The following DPP10 variants were observed in gnomAD, a reference collection of about 807,000 sequenced individuals.
DPP10 encodes the protein inactive dipeptidyl peptidase 10.
A neutral mutation model predicts 120.9 loss-of-function variants in DPP10; 33 were observed. The ratio of observed to expected loss-of-function variants is 0.27; its 90% CI spans 0.21 to 0.37. The LOEUF (loss-of-function observed/expected upper bound fraction) is 0.37, where lower values mean the gene tolerates loss of function less well. DPP10 is among the 10% of genes least tolerant of loss of function. The probability of loss-of-function intolerance (pLI) is 1.00; values close to 1 mark genes in which losing one functional copy is unlikely to be tolerated. For synonymous variants in DPP10, 337 were observed against 326.1 expected (o/e 1.03, Z -0.36); for missense variants, 816 against 942.8 (o/e 0.87, Z 1.76).
Position 115,760,688 on chromosome 2 carries a change from A to G in DPP10, c.1075-1884A>G, listed in dbSNP as rs112186218. Among the ~76,000 whole-genome samples the G allele has an allele frequency of 1.6e-3, 251 of 152,338 alleles. 1 individual carries two copies. Among genetic ancestry groups the G allele is most frequent in the African/African-American group, 5.5e-3 (228 of 41,590 alleles). On this transcript the variant is annotated intron_variant, in intron 11 of 25. Coordinates refer to ENST00000410059, the MANE Select transcript of DPP10 (RefSeq NM_020868.6). The stretch of plus-strand genomic sequence containing the variant: ...ATGCTCTTCTCATTAAGCTTGTATT[A>G]CTAGAAAATTCATCTCTTTCTTTTG...
intron 1 of DPP10, among the ~76,000 whole-genome samples, chr2:115,057,068 G>A (rs1270619379): frequency 6.6e-6 from 1 of 152,044 alleles, no homozygotes; most frequent in African/African-American, 2.4e-5. Flanking sequence ...CAAAAGAAAA[G>A]AAAAAATTCT....
At position 115,842,338 on chromosome 2, in the gene DPP10, A is replaced by T; in HGVS notation, c.2384A>T (p.Asp795Val). 6.2e-7 allele frequency: 1 copy of T among 1,613,856 alleles called. No homozygotes were observed. Among genetic ancestry groups the T allele is most frequent in the Non-Finnish European group, 8.5e-7 (1 of 1,179,856 alleles). The change falls in exon 26 of 26, where the codon GAT becomes GTT. Residue 795 changes from aspartate to valine, a missense_variant. Asp to Val is a radical substitution (Grantham distance 152, BLOSUM62 -3). This residue lies in a region of DPP10 where 592 missense variants were observed against 649.0 expected (regional missense o/e 0.91). Transcript: ENST00000410059. ...GTGCTACCACAGGAACCAGAAGAAG[A>T]TGAATAATGGACTGTATTTATACAG... ...ISVLPQEPEEDE is the reference protein window; with the variant it reads ...ISVLPQEPEEVE
chr2:115,303,470 TAAAAAA>T (rs1282219205), intron 1 of DPP10, among the ~76,000 whole-genome samples: 1 of 151,876 alleles, frequency 6.6e-6, no homozygotes, highest in South Asian at 2.1e-4. Context: ...TCTCTACTTT[TAAAAAA>T]ACTCCTCTGA....
At chr2:114,529,641 C>A (rs964528603) in intron 1 of DPP10, among the ~76,000 whole-genome samples, 1 of 152,134 alleles carries the variant, frequency 6.6e-6, no homozygotes, top group East Asian at 1.9e-4. Flanking sequence ...CTCCTCCCAT[C>A]CCTAGCCTGC....
intron 1 of DPP10, among the ~76,000 whole-genome samples, chr2:114,970,541 T>C (rs373695748): frequency 4.3e-5 from 6 of 140,714 alleles, no homozygotes; most frequent in African/African-American, 1.5e-4. Flanking sequence ...GCTAATCTCC[T>C]AATAATTATC....
At chr2:114,875,678 A>G (rs1188100635) in intron 1 of DPP10, among the ~76,000 whole-genome samples, 1 of 152,150 alleles carries the variant, frequency 6.6e-6, no homozygotes. Context: ...CAGTTAAGAA[A>G]TTAGCATAAG....
chr2:114,470,035 T>A (rs1679777523), intron 1 of DPP10, among the ~76,000 whole-genome samples: 1 of 152,196 alleles, frequency 6.6e-6, no homozygotes, highest in Admixed American at 6.5e-5. Flanking sequence ...CACAGAGTGT[T>A]TCCCTTTGTT....
At chr2:115,600,160 T>G (rs2083236845) in intron 5 of DPP10, among the ~76,000 whole-genome samples, 1 of 152,112 alleles carries the variant, frequency 6.6e-6, no homozygotes, top group Non-Finnish European at 1.5e-5. Flanking sequence ...AAAATAGGGA[T>G]TTTACGCTAT....
rs148371632 is a variant in DPP10, at chr2:114,734,485, G to A, written c.60+291647G>A. On this transcript the variant is annotated intron_variant, in intron 1 of 25. Transcript: ENST00000410059. ...GGAAACCCCCACTTTGAGAAGTCCC[G>A]CCTTTCTGAACAAAACCAATGTATT... is the stretch of plus-strand genomic sequence containing the variant. Among the ~76,000 whole-genome samples the A allele has an allele frequency of 5.9e-3, 904 of 152,134 alleles. 7 individuals carry two copies. The highest frequency in any genetic ancestry group is 8.0e-3 in the Non-Finnish European group (546 of 67,994).
intron 1 of DPP10, among the ~76,000 whole-genome samples, chr2:115,263,667 C>T (rs978511550): frequency 6.6e-6 from 1 of 152,088 alleles, no homozygotes; most frequent in Non-Finnish European, 1.5e-5. Flanking sequence ...AAGGCATTAT[C>T]CTCCATAAAC....
chr2:115,611,702 G>T (rs1316667082), intron 5 of DPP10, among the ~76,000 whole-genome samples: 1 of 152,070 alleles, frequency 6.6e-6, no homozygotes, highest in Admixed American at 6.6e-5. Flanking sequence ...ATCATGATGG[G>T]GGAGCAGTCC....
chr2:114,557,088 A>T (rs1688383526), intron 1 of DPP10, among the ~76,000 whole-genome samples: 1 of 152,044 alleles, frequency 6.6e-6, no homozygotes, highest in South Asian at 2.1e-4. Flanking sequence ...AAGAGTTAAA[A>T]TAAATTATAG....
At chr2:115,825,362 C>T (rs1688205891) in intron 21 of DPP10, among the ~76,000 whole-genome samples, 1 of 152,200 alleles carries the variant, frequency 6.6e-6, no homozygotes. Context: ...CTATTCCCTC[C>T]TGTGTACTCA....
intron 7 of DPP10, among the ~76,000 whole-genome samples, chr2:115,693,918 C>G (rs1204791840): frequency 1.3e-5 from 2 of 151,908 alleles, no homozygotes; most frequent in African/African-American, 4.8e-5. Context: ...TAGTATCTGG[C>G]CTATAATAAG....
chr2:115,827,519 CAT>C (rs146231505), intron 21 of DPP10, among the ~76,000 whole-genome samples: 12,685 of 146,732 alleles, frequency 0.086, 599 homozygotes, highest in South Asian at 0.13. Flanking sequence ...TTTTATGCTA[CAT>C]GTTATAAATC....
intron 5 of DPP10, among the ~76,000 whole-genome samples, chr2:115,548,384 C>CT (rs2079643024): frequency 6.6e-6 from 1 of 151,318 alleles, no homozygotes; most frequent in Non-Finnish European, 1.5e-5. Flanking sequence ...ATTTTCCTGG[C>CT]ATTATGCTAA....
intron 1 of DPP10, among the ~76,000 whole-genome samples, chr2:114,739,923 C>T (rs1435122807): frequency 6.6e-6 from 1 of 152,068 alleles, no homozygotes; most frequent in Non-Finnish European, 1.5e-5. Flanking sequence ...ATTCATTCAT[C>T]ATAAAAACTG....
intron 1 of DPP10, among the ~76,000 whole-genome samples, chr2:115,238,833 A>G (rs1224000841): frequency 6.6e-6 from 1 of 152,172 alleles, no homozygotes; most frequent in Non-Finnish European, 1.5e-5. Flanking sequence ...TAGGAGATAT[A>G]TATGTATATA....
chr2:115,505,164 T>G (rs1575042084), intron 4 of DPP10, among the ~76,000 whole-genome samples: 1 of 152,068 alleles, frequency 6.6e-6, no homozygotes, highest in East Asian at 1.9e-4. Flanking sequence ...TCATAGCCAT[T>G]TATTATGCAT....
Sources: allele counts gnomAD v4.1 joint callset (sites outside exome capture counted in the v4.1 genomes callset), GRCh38; gene constraint gnomAD v4.1.1; regional missense constraint gnomAD v4.1.1; transcripts MANE v1.5; gene names NCBI Gene and HGNC (gene_info 2026-07-23, HGNC 2026-07-21).